The following UTY variants were observed in gnomAD, a reference collection of about 807,000 sequenced individuals.
The protein encoded by UTY is ubiquitously transcribed tetratricopeptide repeat containing, Y-linked.
In UTY, 12 loss-of-function variants were observed where a neutral mutation model predicts 32.5. The observed-to-expected ratio is 0.37, with a 90% confidence interval of 0.24 to 0.60. The LOEUF is 0.60. UTY is among the 20% of genes least tolerant of loss of function. The pLI is 0.69. For synonymous variants in UTY, 131 were observed against 103.4 expected (o/e 1.27, Z -1.62); for missense variants, 303 against 299.2 (o/e 1.01, Z -0.09).
chrY:13,370,041 CTGTT>C (rs113008302), intron 8 of UTY, among the ~76,000 whole-genome samples: 149 of 33,888 alleles, frequency 4.4e-3, no homozygotes, highest in African/African-American at 0.016. Context: ...TATAAAGTAA[CTGTT>C]TGTAATATTT....
chrY:13,405,214 G>A (rs777221794), intron 6 of UTY, among the ~76,000 whole-genome samples: 1 of 32,802 alleles, frequency 3.0e-5, no homozygotes, highest in South Asian at 6.6e-4. Flanking sequence ...ATATCATTTC[G>A]CTTAAAGCTG....
intron 4 of UTY, among the ~76,000 whole-genome samples, chrY:13,432,888 C>T: frequency 6.0e-5 from 2 of 33,524 alleles, no homozygotes; most frequent in African/African-American, 1.2e-4. Flanking sequence ...AAATCAGAGA[C>T]TTCACTGCTG....
intron 17 of UTY, among the ~76,000 whole-genome samples, chrY:13,338,073 C>T: frequency 9.1e-5 from 2 of 21,995 alleles, no homozygotes; most frequent in Non-Finnish European, 2.0e-4. Flanking sequence ...TGGAGTGCAG[C>T]GGTGTGATCT....
chrY:13,480,435 C>T, upstream of UTY: 1 of 33,634 alleles, frequency 3.0e-5, no homozygotes, highest in Non-Finnish European at 7.4e-5. Context: ...AATGCGAGAC[C>T]TTGCGGGGCA....
chrY:13,374,299 G>A (rs2065221382), intron 8 of UTY, among the ~76,000 whole-genome samples: 1 of 32,741 alleles, frequency 3.1e-5, no homozygotes, highest in Admixed American at 2.8e-4. Flanking sequence ...CCAAAGTGCT[G>A]GGATTACAGG....
upstream of UTY, chrY:13,480,370 C>T: frequency 2.9e-5 from 1 of 34,266 alleles, no homozygotes; most frequent in Non-Finnish European, 7.3e-5. Flanking sequence ...GAAAAGAGGA[C>T]ACCATGGACT....
At chrY:13,292,897 C>T in intron 27 of UTY, among the ~76,000 whole-genome samples, 1 of 33,019 alleles carries the variant, frequency 3.0e-5, no homozygotes, top group South Asian at 6.6e-4. Context: ...GAAAAATCCT[C>T]GGTAAAATAC....
At chrY:13,262,856 A>G (rs2055417457) in intron 27 of UTY, among the ~76,000 whole-genome samples, 1 of 32,762 alleles carries the variant, frequency 3.1e-5, no homozygotes, top group Non-Finnish European at 7.5e-5. Flanking sequence ...GAGCCACCAT[A>G]CGTGACCATA....
chrY:13,419,210 C>A (rs2072197878), intron 4 of UTY, among the ~76,000 whole-genome samples: 4 of 33,793 alleles, frequency 1.2e-4, no homozygotes, highest in Admixed American at 1.1e-3. Context: ...CTCACACTGT[C>A]TCCACTGGAT....
chrY:13,394,784 T>C, intron 7 of UTY, among the ~76,000 whole-genome samples: 1 of 33,077 alleles, frequency 3.0e-5, no homozygotes, highest in Admixed American at 2.8e-4. Flanking sequence ...CTTCCCTCCT[T>C]GCTTCTCCTC....
In UTY at chrY:13,260,286, T is replaced by G; in HGVS notation, c.4129A>C (p.Ile1377Leu). ...TNDEPAHYCS[I>L]CEVEVFNLLF... ...TAGAAACAGTTACTCACCTCACAAATGCTACAGTAATGAGCTGGTTCATCA... is the reference window on the plus strand; with the variant it reads ...TAGAAACAGTTACTCACCTCACAAAGGCTACAGTAATGAGCTGGTTCATCA... Residue 1377 changes from isoleucine to leucine, a missense_variant, in exon 28 of 30, where the codon ATT (isoleucine) becomes CTT (leucine). Ile to Leu is a conservative substitution (Grantham distance 5). Coordinates refer to ENST00000545955, the MANE Select transcript of UTY (RefSeq NM_001258249.2). The G allele has an allele frequency of 2.5e-6, 1 of 396,971 alleles. No homozygotes were observed. The highest frequency in any genetic ancestry group is 3.5e-6 in the Non-Finnish European group (1 of 282,343).
chrY:13,367,157 T>C, intron 9 of UTY, among the ~76,000 whole-genome samples: 1 of 33,920 alleles, frequency 2.9e-5, no homozygotes, highest in East Asian at 7.5e-4. Flanking sequence ...TTCTTTTTAA[T>C]AGCTGCTTTC....
At chrY:13,459,749 T>C in intron 3 of UTY, among the ~76,000 whole-genome samples, 4 of 33,618 alleles carry the variant, frequency 1.2e-4, no homozygotes, top group African/African-American at 4.6e-4. Flanking sequence ...GCACTCTTTA[T>C]TATGTGCTTC....
At chrY:13,349,836 A>G in intron 17 of UTY, among the ~76,000 whole-genome samples, 5 of 34,286 alleles carry the variant, frequency 1.5e-4, no homozygotes, top group Non-Finnish European at 2.9e-4. Flanking sequence ...TAAGAATTAC[A>G]TCTGACTTCT....
chrY:13,466,375 A>G, intron 3 of UTY, among the ~76,000 whole-genome samples: 3 of 33,945 alleles, frequency 8.8e-5, no homozygotes, highest in Non-Finnish European at 2.2e-4. Flanking sequence ...ACAGATTTTT[A>G]TATTTTCAAA....
chrY:13,304,248 T>A (rs1259731875), intron 24 of UTY: 1 of 97,789 alleles, frequency 1.0e-5, no homozygotes, highest in Admixed American at 1.4e-4. Flanking sequence ...GCAAATAGTA[T>A]CAAGCTGCTT....
intron 3 of UTY, among the ~76,000 whole-genome samples, chrY:13,460,293 T>A: frequency 5.9e-5 from 2 of 33,618 alleles, no homozygotes; most frequent in African/African-American, 1.2e-4. Flanking sequence ...CAGAGTTCTA[T>A]AACCCCTACC....
chrY:13,478,494 G>A, intron 2 of UTY, among the ~76,000 whole-genome samples: 1 of 32,990 alleles, frequency 3.0e-5, no homozygotes, highest in Admixed American at 2.8e-4. Flanking sequence ...CCTTGCTAAG[G>A]TTTCCGGGTT....
In UTY at chrY:13,417,598, A is replaced by T. The variant is rs779010580; in HGVS notation, c.376-2805T>A. Among the ~76,000 whole-genome samples, 25 of 33,474 alleles carry T rather than the reference A, an allele frequency of 7.5e-4. No individual in the cohort carries two copies. The South Asian group carries it at 0.016, about 22-fold the overall frequency. 89.8% of individuals were successfully genotyped at this position (33,474 alleles called of 37,273 possible). A position where few individuals can be genotyped will look rare whatever the true frequency, so the allele number is the denominator to read the frequency against. On this transcript the variant is annotated intron_variant, in intron 4 of 29. Coordinates refer to ENST00000545955, the MANE Select transcript of UTY (RefSeq NM_001258249.2). ...TGGAGATCCTGCCATTGGCACATCC[A>T]GGCTACACAAGTGTCATTTTATTAC...
Sources: gnomAD v4.1 joint callset for allele counts (sites outside exome capture counted in the v4.1 genomes callset) on GRCh38, gnomAD v4.1.1 for gene constraint, MANE v1.5 for transcripts, NCBI Gene and HGNC (gene_info 2026-07-23, HGNC 2026-07-21) for gene names.